Variants in RAB27B observed in about 807,000 individuals in gnomAD.
The protein encoded by RAB27B is RAB27B, member RAS oncogene family, also known as ras-related protein Rab-27B.
Under a neutral mutation model 24.6 loss-of-function variants are expected in RAB27B, and 15 were observed. That is an observed-to-expected ratio of 0.61 (90% CI 0.41 to 0.94). RAB27B has a LOEUF of 0.94. Among genes scored for constraint, RAB27B ranks in the 40% least tolerant of loss-of-function variants. RAB27B has a pLI of 0.00. For missense variants in RAB27B, 261 were observed against 266.8 expected, an observed-to-expected ratio of 0.98 and a Z score of 0.15; for synonymous variants, 105 against 92.5, an observed-to-expected ratio of 1.14 and a Z score of -0.78.
intron 1 of RAB27B, among the ~76,000 whole-genome samples, chr18:54,849,661 C>A (rs1479461960): frequency 6.6e-6 from 1 of 152,160 alleles, no homozygotes; most frequent in Non-Finnish European, 1.5e-5. Flanking sequence ...GTGGAGGTTG[C>A]AGTGAGCTGA....
At chr18:54,865,468 C>A (rs1272877823) in intron 1 of RAB27B, among the ~76,000 whole-genome samples, 3 of 152,226 alleles carry the variant, frequency 2.0e-5, no homozygotes, top group South Asian at 2.1e-4. Flanking sequence ...TTTCATGAGG[C>A]CTTTAACCTA....
At chr18:54,819,816 T>C (rs1304457568) in intron 2 of RAB27B, among the ~76,000 whole-genome samples, 5 of 130,854 alleles carry the variant, frequency 3.8e-5, no homozygotes, top group Non-Finnish European at 3.1e-5. Context: ...TTCCCCTTCC[T>C]GTGTGCATGT....
intron 1 of RAB27B, among the ~76,000 whole-genome samples, chr18:54,869,282 G>T (rs931912156): frequency 6.6e-6 from 1 of 152,188 alleles, no homozygotes; most frequent in Non-Finnish European, 1.5e-5. Flanking sequence ...GCAGGGAAAT[G>T]CATGACAAGC....
intron 1 of RAB27B, among the ~76,000 whole-genome samples, chr18:54,840,648 T>G (rs1911071867): frequency 1.3e-5 from 2 of 152,106 alleles, no homozygotes; most frequent in Non-Finnish European, 2.9e-5. Flanking sequence ...TAAATAAATG[T>G]TTTGATCCAT....
intron 1 of RAB27B, among the ~76,000 whole-genome samples, chr18:54,848,433 A>G (rs1368122416): frequency 6.6e-6 from 1 of 152,186 alleles, no homozygotes; most frequent in Non-Finnish European, 1.5e-5. Flanking sequence ...ATGTACATCT[A>G]TTTCCCCAGA....
intron 3 of RAB27B, among the ~76,000 whole-genome samples, chr18:54,881,639 T>A (rs1322136833): frequency 2.0e-5 from 3 of 152,126 alleles, no homozygotes; most frequent in Non-Finnish European, 4.4e-5. Context: ...GAACATGGTT[T>A]CACTGGTTCC....
chr18:54,783,194 T>C (rs934117481), intron 2 of RAB27B, among the ~76,000 whole-genome samples: 1 of 152,052 alleles, frequency 6.6e-6, no homozygotes, highest in African/African-American at 2.4e-5. Flanking sequence ...CTTGAACTCC[T>C]GACCTCAAGT....
chr18:54,771,390 C>A (rs1791214502), intron 2 of RAB27B, among the ~76,000 whole-genome samples: 1 of 152,100 alleles, frequency 6.6e-6, no homozygotes, highest in South Asian at 2.1e-4. Context: ...TAGATTGCGA[C>A]TGGACTCATA....
At chr18:54,805,441 T>A (rs1909761135) in intron 2 of RAB27B, among the ~76,000 whole-genome samples, 1 of 152,224 alleles carries the variant, frequency 6.6e-6, no homozygotes, top group Non-Finnish European at 1.5e-5. Context: ...GAAATTTATG[T>A]CTTCCTATTT....
intron 1 of RAB27B, among the ~76,000 whole-genome samples, chr18:54,844,927 T>C (rs1911269806): frequency 6.6e-6 from 1 of 152,088 alleles, no homozygotes; most frequent in Non-Finnish European, 1.5e-5. Flanking sequence ...CTCTTTCAGG[T>C]TTAATAAAGT....
chr18:54,832,975 G>C (rs544413342), intron 1 of RAB27B, among the ~76,000 whole-genome samples: 1 of 152,140 alleles, frequency 6.6e-6, no homozygotes, highest in African/African-American at 2.4e-5. Context: ...ATGAGGCTAC[G>C]TACATAGAAG....
intron 1 of RAB27B, among the ~76,000 whole-genome samples, chr18:54,873,207 C>G (rs1260998485): frequency 1.3e-5 from 2 of 152,206 alleles, no homozygotes; most frequent in African/African-American, 4.8e-5. Context: ...CACCTGATTA[C>G]TTGAATTCCT....
intron 3 of RAB27B, among the ~76,000 whole-genome samples, chr18:54,881,037 C>T (rs1429096780): frequency 6.6e-6 from 1 of 152,040 alleles, no homozygotes; most frequent in African/African-American, 2.4e-5. Context: ...AACACATGGC[C>T]CTTAAGGAAA....
At chr18:54,829,238 C>G (rs1910583627) in intron 1 of RAB27B, among the ~76,000 whole-genome samples, 1 of 152,108 alleles carries the variant, frequency 6.6e-6, no homozygotes, top group South Asian at 2.1e-4. Context: ...AAGTGTTGCA[C>G]CAACTAGGGT....
intron 1 of RAB27B, among the ~76,000 whole-genome samples, chr18:54,843,514 G>A (rs1598951571): frequency 6.6e-6 from 1 of 152,180 alleles, no homozygotes; most frequent in East Asian, 1.9e-4. Flanking sequence ...ATTCTCCAGT[G>A]ACTAAGGGTG....
chr18:54,812,130 C>A (rs1163510293), intron 2 of RAB27B, among the ~76,000 whole-genome samples: 1 of 152,072 alleles, frequency 6.6e-6, no homozygotes, highest in Non-Finnish European at 1.5e-5. Flanking sequence ...GAATGAATAC[C>A]TTTCTATTAG....
chr18:54,729,925 A>G (rs1909675724), intron 2 of RAB27B, among the ~76,000 whole-genome samples: 1 of 152,224 alleles, frequency 6.6e-6, no homozygotes, highest in African/African-American at 2.4e-5. Context: ...CATTTGCCTT[A>G]AATGACTCTC....
chr18:54,864,799 G>C (rs1912146524), intron 1 of RAB27B, among the ~76,000 whole-genome samples: 3 of 152,036 alleles, frequency 2.0e-5, no homozygotes, highest in Admixed American at 2.0e-4. Context: ...CTTGATTACT[G>C]TAACTTTGCA....
intron 1 of RAB27B, among the ~76,000 whole-genome samples, chr18:54,844,899 G>T (rs1278802952): frequency 1.3e-5 from 2 of 152,124 alleles, no homozygotes; most frequent in African/African-American, 4.8e-5. Context: ...GAAAATGGAG[G>T]TATAGGGAGG....
Sources: gnomAD v4.1 joint callset for allele counts (sites outside exome capture counted in the v4.1 genomes callset) on GRCh38, gnomAD v4.1.1 for gene constraint, MANE v1.5 for transcripts, NCBI Gene and HGNC (gene_info 2026-07-23, HGNC 2026-07-21) for gene names.